The following ASPH variants were observed in gnomAD, a reference collection of about 807,000 sequenced individuals.
ASPH encodes aspartyl/asparaginyl beta-hydroxylase.
Under a neutral mutation model 118.4 loss-of-function variants are expected in ASPH, and 100 were observed. The ratio of observed to expected loss-of-function variants is 0.84; its 90% CI spans 0.72 to 1.00. The LOEUF is 1.00. Among genes scored for constraint, ASPH ranks in the 50% least tolerant of loss-of-function variants. ASPH has a pLI of 0.00. For missense variants in ASPH, 920 were observed against 919.5 expected (o/e 1.00, Z -0.01); for synonymous variants, 315 against 325.6 (o/e 0.97, Z 0.35).
chr8:61,657,948 T>A lies in ASPH; in HGVS notation c.323-4288A>T, dbSNP rs575081345. 2.6e-4 allele frequency: 39 copies of A among 152,330 alleles called. 1 individual carries two copies. Among genetic ancestry groups the A allele is most frequent in the African/African-American group, 9.1e-4 (38 of 41,578 alleles). 9.4% of individuals were successfully genotyped at this position (152,330 alleles called of 1,614,324 possible). A position where few individuals can be genotyped will look rare whatever the true frequency, so the allele number is the denominator to read the frequency against. ...ATGAAAGAAAACGTGTCCTTACTAA[T>A]CCAGGTTACTCCAGCTATGGTTATC... On this transcript the variant is annotated intron_variant, in intron 3 of 24. Coordinates refer to ENST00000379454, the MANE Select transcript of ASPH (RefSeq NM_004318.4).
chr8:61,602,707 A>G (rs1844397247), intron 14 of ASPH, among the ~76,000 whole-genome samples: 1 of 151,266 alleles, frequency 6.6e-6, no homozygotes, highest in Non-Finnish European at 1.5e-5. Flanking sequence ...GTCACAGAGC[A>G]GCACCAGGAA....
rs745608667 is a variant in ASPH, at chr8:61,517,591, C to CCT, written c.2062_2063insAG (p.Arg688GlnfsTer8). On this transcript the variant is annotated frameshift_variant, in exon 24 of 25. Transcript: ENST00000379454. LOFTEE classifies it high-confidence loss of function. ...GGGAATCACCAAGCCCAGGTGCATT[C>CCT]GGAGCCTGCAGTTTGTGGGCCCTGT... The CCT allele has an allele frequency of 6.2e-7, 1 of 1,614,090 alleles. No homozygotes were observed. The highest frequency in any genetic ancestry group is 1.1e-5 in the South Asian group (1 of 91,078).
rs754959498 is a variant in ASPH, at chr8:61,683,225, A to C, written c.253+814T>G. Among the ~76,000 whole-genome samples the C allele has an allele frequency of 3.5e-4, 53 of 152,062 alleles. 1 individual carries two copies. The highest frequency in any genetic ancestry group is 2.6e-4 in the Admixed American group (4 of 15,234). ...TTTAGGGGAAGGGGGTAACAAAAAT[A>C]ATCTGGAACTAGATAATGCTGATGG... On this transcript the variant is annotated intron_variant, in intron 2 of 24. Coordinates refer to ENST00000379454, the MANE Select transcript of ASPH (RefSeq NM_004318.4).
chr8:61,508,180 A>G (rs1224210472), intron 24 of ASPH, among the ~76,000 whole-genome samples: 1 of 151,932 alleles, frequency 6.6e-6, no homozygotes, highest in Non-Finnish European at 1.5e-5. Flanking sequence ...ACATCCAGCT[A>G]ATTTTTGGAT....
chr8:61,651,234 T>A, intron 4 of ASPH, 110 bp from the exon 5 acceptor site: 1 of 832,124 alleles, frequency 1.2e-6, no homozygotes, highest in Non-Finnish European at 1.9e-6. Flanking sequence ...TATATTTGAC[T>A]AAGCAACTCT....
chr8:61,588,100 T>C (rs1482915171), intron 14 of ASPH, among the ~76,000 whole-genome samples: 2 of 150,504 alleles, frequency 1.3e-5, no homozygotes, highest in African/African-American at 2.5e-5. Context: ...GAAAGAATTA[T>C]TAATTTTGTT....
intron 13 of ASPH, among the ~76,000 whole-genome samples, chr8:61,619,977 C>A (rs143678383): frequency 2.8e-4 from 43 of 152,248 alleles, no homozygotes; most frequent in African/African-American, 8.7e-4. Context: ...ATCAGGGATG[C>A]GGTCAAGTGA....
chr8:61,518,313 T>A (rs1220209363), intron 22 of ASPH, among the ~76,000 whole-genome samples, 190 bp from the exon 23 acceptor site: 3 of 152,204 alleles, frequency 2.0e-5, no homozygotes, highest in Non-Finnish European at 4.4e-5. Flanking sequence ...AGAAGACGTG[T>A]CTTGCTCCAA....
chr8:61,664,777 T>C (rs1439352629), intron 3 of ASPH: 2 of 986,136 alleles, frequency 2.0e-6, no homozygotes, highest in Non-Finnish European at 1.2e-6. Context: ...TGGTGGCACA[T>C]GAGCCTGGGG....
At chr8:61,552,554 A>C (rs1285089053) in intron 20 of ASPH, among the ~76,000 whole-genome samples, 1 of 152,236 alleles carries the variant, frequency 6.6e-6, no homozygotes, top group Non-Finnish European at 1.5e-5. Context: ...GCTGATAAAG[A>C]CTTCATTCTA....
At chr8:61,652,139 T>C (rs1001741563) in intron 4 of ASPH, among the ~76,000 whole-genome samples, 1 of 152,248 alleles carries the variant, frequency 6.6e-6, no homozygotes, top group Non-Finnish European at 1.5e-5. Context: ...CATTTATATA[T>C]GTAGTCTTGT....
chr8:61,625,630 T>C (rs1852484284), intron 13 of ASPH: 1 of 936,608 alleles, frequency 1.1e-6, no homozygotes, highest in Admixed American at 8.8e-5. Context: ...ATTTAAAACT[T>C]TCACTGAAAT....
At chr8:61,591,525 C>A (rs116061939) in intron 14 of ASPH, among the ~76,000 whole-genome samples, 2,751 of 152,112 alleles carry the variant, frequency 0.018, 87 homozygotes, top group African/African-American at 0.063. Context: ...ACACACATGG[C>A]AGAATACAAG....
intron 1 of ASPH, among the ~76,000 whole-genome samples, chr8:61,713,689 T>C (rs116728044): frequency 6.1e-4 from 93 of 152,326 alleles, no homozygotes; most frequent in African/African-American, 2.1e-3. Flanking sequence ...CAGTATTTCA[T>C]GACATTCTAT....
At position 61,709,178 on chromosome 8, in the gene ASPH, C is replaced by T. The variant is rs138203988; in HGVS notation, c.103+5091G>A. On this transcript the variant is annotated intron_variant, in intron 1 of 24. Coordinates refer to ENST00000379454, the MANE Select transcript of ASPH (RefSeq NM_004318.4). ...TGCCGTTAAAAGATAACCACATCAGCCAAAGGTAACCAAGACACATCCCTG... is the reference window on the plus strand; with the variant it reads ...TGCCGTTAAAAGATAACCACATCAGTCAAAGGTAACCAAGACACATCCCTG... Among the ~76,000 whole-genome samples the T allele has an allele frequency of 5.8e-3, 886 of 152,072 alleles. 9 individuals carry two copies. The highest frequency in any genetic ancestry group is 0.02 in the African/African-American group (837 of 41,466).
chr8:61,690,410 G>C (rs543528678), intron 1 of ASPH, among the ~76,000 whole-genome samples: 4 of 152,116 alleles, frequency 2.6e-5, no homozygotes, highest in African/African-American at 7.2e-5. Flanking sequence ...GAGGTGAGGA[G>C]AGGGAAAGAA....
chr8:61,678,233 G>A (rs1826319141), intron 3 of ASPH, among the ~76,000 whole-genome samples: 4 of 152,048 alleles, frequency 2.6e-5, no homozygotes, highest in Admixed American at 1.3e-4. Flanking sequence ...ATCCTTAGGT[G>A]GTGTCACTCT....
chr8:61,511,757 C>A (rs1229591218), intron 24 of ASPH, among the ~76,000 whole-genome samples: 1 of 152,162 alleles, frequency 6.6e-6, no homozygotes, highest in Non-Finnish European at 1.5e-5. Context: ...GCATTAGCCA[C>A]CATGCCCGGC....
chr8:61,652,294 G>C (rs925526958), intron 4 of ASPH, among the ~76,000 whole-genome samples: 2 of 152,168 alleles, frequency 1.3e-5, no homozygotes, highest in Admixed American at 1.3e-4. Flanking sequence ...GGTGCACTCT[G>C]CTCACTCTTT....
Sources: allele counts gnomAD v4.1 joint callset (sites outside exome capture counted in the v4.1 genomes callset), GRCh38; gene constraint gnomAD v4.1.1; transcripts MANE v1.5; gene names NCBI Gene and HGNC (gene_info 2026-07-23, HGNC 2026-07-21).